The following SEMA3D variants were observed in gnomAD, a reference collection of about 807,000 sequenced individuals.
SEMA3D encodes the protein semaphorin 3D.
In SEMA3D, 84 loss-of-function variants were observed where a neutral mutation model predicts 100.1. The observed-to-expected ratio is 0.84, with a 90% CI of 0.70 to 1.01. The LOEUF (loss-of-function observed/expected upper bound fraction) is 1.01, where lower values mean the gene tolerates loss of function less well. Among genes scored for constraint, SEMA3D ranks in the 50% least tolerant of loss-of-function variants. The pLI is 0.00. For synonymous variants in SEMA3D, 312 were observed against 320.7 expected (o/e 0.97, Z 0.29); for missense variants, 875 against 934.1 (o/e 0.94, Z 0.82).
intron 2 of SEMA3D, among the ~76,000 whole-genome samples, chr7:85,135,760 T>G (rs1789846770): frequency 1.4e-5 from 2 of 146,730 alleles, no homozygotes; most frequent in Admixed American, 1.4e-4. Flanking sequence ...TTCTCCCTCT[T>G]CCTATCCCTG....
intron 1 of SEMA3D, among the ~76,000 whole-genome samples, chr7:85,154,618 G>C (rs769341836): frequency 7.9e-5 from 12 of 152,104 alleles, no homozygotes; most frequent in Non-Finnish European, 1.3e-4. Flanking sequence ...TAATGGTCAG[G>C]ATGGCAGTGA....
chr7:85,213,078 T>C, the SEMA3D span, among the ~76,000 whole-genome samples: 4 of 152,062 alleles, frequency 2.6e-5, no homozygotes, highest in Non-Finnish European at 5.9e-5. Context: ...CTAGTACTAT[T>C]GGACGATTAG....
chr7:85,158,635 A>G (rs1468145656), intron 1 of SEMA3D, among the ~76,000 whole-genome samples: 1 of 152,128 alleles, frequency 6.6e-6, no homozygotes, highest in Non-Finnish European at 1.5e-5. Context: ...CTTGTGACAC[A>G]TGTGATCTCT....
intron 1 of SEMA3D, among the ~76,000 whole-genome samples, chr7:85,182,448 G>T (rs1791434493): frequency 6.6e-6 from 1 of 151,988 alleles, no homozygotes. Context: ...TTAAACAATT[G>T]GTTATACTTC....
chr7:85,055,681 T>A, intron 9 of SEMA3D, 36 bp downstream of exon 9: 1 of 280,266 alleles, frequency 3.6e-6, no homozygotes, highest in South Asian at 6.5e-5. Flanking sequence ...TATATATATA[T>A]ATATGTTTTA....
chr7:85,184,315 C>T (rs1791481312), intron 1 of SEMA3D, among the ~76,000 whole-genome samples: 1 of 152,130 alleles, frequency 6.6e-6, no homozygotes, highest in Non-Finnish European at 1.5e-5. Flanking sequence ...CCCTTACTAG[C>T]TTATATTTGG....
rs549506558 is a variant in SEMA3D at position 85,153,685 on chromosome 7, A to G, written c.-118T>C. ...CCAGGAGAACCAACAGTGTATGTTC[A>G]AAAGCCTGGCAACCAGGACAGCAGA... On this transcript the variant is annotated 5_prime_UTR_variant, in exon 2 of 19. Transcript: ENST00000284136. 6.6e-6 allele frequency: 1 copy of G among 152,320 alleles called. No individual in the cohort carries two copies. Among genetic ancestry groups the G allele is most frequent in the East Asian group, 1.9e-4 (1 of 5,168 alleles). 9.4% of individuals were successfully genotyped at this position (152,320 alleles called of 1,614,324 possible).
chr7:85,128,378 T>C (rs753240258), intron 2 of SEMA3D, among the ~76,000 whole-genome samples: 2 of 151,832 alleles, frequency 1.3e-5, no homozygotes, highest in Non-Finnish European at 2.9e-5. Flanking sequence ...ACCATGTTGA[T>C]CAGGCTGGTC....
intron 3 of SEMA3D, among the ~76,000 whole-genome samples, chr7:85,117,763 A>AGTATGTAT (rs35480171): frequency 1.4e-3 from 201 of 145,846 alleles, no homozygotes; most frequent in Admixed American, 2.6e-3. Context: ...ACAGAGCAAG[A>AGTATGTAT]GTATGTATGT....
chr7:85,048,486 G>A (rs989684590), intron 9 of SEMA3D, among the ~76,000 whole-genome samples: 1 of 151,826 alleles, frequency 6.6e-6, no homozygotes, highest in Non-Finnish European at 1.5e-5. Context: ...AGACTCATTA[G>A]AAGTGTATGC....
intron 17 of SEMA3D, among the ~76,000 whole-genome samples, chr7:85,009,500 C>G (rs1158299296): frequency 1.3e-5 from 2 of 151,620 alleles, no homozygotes; most frequent in African/African-American, 2.4e-5. Context: ...ATTACAATCT[C>G]TACTCTAACT....
At chr7:85,091,156 A>G (rs1312130924) in intron 4 of SEMA3D, among the ~76,000 whole-genome samples, 3 of 134,528 alleles carry the variant, frequency 2.2e-5, no homozygotes, top group Non-Finnish European at 3.1e-5. Context: ...GAAGGAGGGA[A>G]GGAAGGAAGG....
intron 2 of SEMA3D, among the ~76,000 whole-genome samples, chr7:85,148,838 G>T (rs537183975): frequency 2.1e-4 from 32 of 151,974 alleles, no homozygotes; most frequent in Non-Finnish European, 3.7e-4. Context: ...GATTTTTTTT[G>T]TTGTGGGTAA....
At chr7:85,177,975 G>A (rs1389589026) in intron 1 of SEMA3D, among the ~76,000 whole-genome samples, 3 of 152,146 alleles carry the variant, frequency 2.0e-5, no homozygotes, top group Admixed American at 6.5e-5. Context: ...CCCCCATGCT[G>A]TTCTCGTGAT....
chr7:85,080,627 A>T (rs1788030338), intron 5 of SEMA3D, among the ~76,000 whole-genome samples: 1 of 152,126 alleles, frequency 6.6e-6, no homozygotes, highest in African/African-American at 2.4e-5. Context: ...AATGTGATTT[A>T]TTTTGCCAAA....
chr7:85,190,404 A>C (rs1791670856), upstream of SEMA3D, among the ~76,000 whole-genome samples: 1 of 152,160 alleles, frequency 6.6e-6, no homozygotes, highest in Non-Finnish European at 1.5e-5. Flanking sequence ...CTGACTGATA[A>C]GAAATGTTGT....
chr7:85,101,287 A>C (rs1016489603), intron 3 of SEMA3D, among the ~76,000 whole-genome samples: 39 of 152,080 alleles, frequency 2.6e-4, no homozygotes, highest in Admixed American at 1.9e-3. Context: ...TTTTGACCCA[A>C]CTAGTAGAGT....
upstream of SEMA3D, among the ~76,000 whole-genome samples, chr7:85,187,449 A>G (rs781440904): frequency 7.9e-5 from 12 of 152,174 alleles, no homozygotes; most frequent in African/African-American, 2.7e-4. Context: ...TAAAACCTCA[A>G]TCCACGGTTA....
intron 16 of SEMA3D, among the ~76,000 whole-genome samples, chr7:85,014,353 T>C (rs1790038572): frequency 6.6e-6 from 1 of 151,878 alleles, no homozygotes. Context: ...GGCATATCGA[T>C]GGGCATTCAT....
Sources: allele counts gnomAD v4.1 joint callset (sites outside exome capture counted in the v4.1 genomes callset), GRCh38; gene constraint gnomAD v4.1.1; transcripts MANE v1.5; gene names NCBI Gene and HGNC (gene_info 2026-07-23, HGNC 2026-07-21).